The following APBA3 variants were observed in gnomAD, a reference collection of about 807,000 sequenced individuals.
APBA3 encodes amyloid beta precursor protein binding family A member 3, also known as amyloid-beta A4 precursor protein-binding family A member 3.
APBA3 carries 45 observed loss-of-function variants against 55.9 expected under a neutral mutation model. The ratio of observed to expected loss-of-function variants is 0.80; its 90% confidence interval spans 0.63 to 1.03. The LOEUF (loss-of-function observed/expected upper bound fraction) is 1.03. Among genes scored for constraint, APBA3 ranks in the 50% least tolerant of loss-of-function variants. The probability of loss-of-function intolerance (pLI) is 0.00; values close to 1 mark genes in which losing one functional copy is unlikely to be tolerated. For missense variants in APBA3, 865 were observed against 820.3 expected (o/e 1.05, Z -0.67); for synonymous variants, 370 against 353.3 (o/e 1.05, Z -0.53).
chr19:3,753,153 C>T lies in APBA3; in HGVS notation c.1012-163G>A, dbSNP rs80348253. On this transcript the variant is annotated intron_variant, in intron 6 of 10. Coordinates refer to ENST00000316757, the MANE Select transcript of APBA3 (RefSeq NM_004886.4). ...GCTTTGGGGGAGGTGGAGAGACAGC[C>T]GCATCTTGGGGAATCTACGGGGAGA... The T allele has an allele frequency of 9.8e-3, 7,488 of 767,338 alleles. 441 individuals are homozygous for T. The African/African-American group carries it at 0.12, about 12-fold the overall frequency. The allele number at this position is 767,338 out of a possible 1,614,324, so 47.5% of individuals were successfully genotyped here. A position where few individuals can be genotyped will look rare whatever the true frequency, so the allele number is the denominator to read the frequency against.
At position 3,754,187 on chromosome 19, in the gene APBA3, C is replaced by T; in HGVS notation, c.762+8G>A. On this transcript the variant is annotated splice_region_variant and intron_variant, in intron 4 of 10. Coordinates refer to ENST00000316757, the MANE Select transcript of APBA3 (RefSeq NM_004886.4). ...CGCCTGCCCGCCCGGCCCCGGCCGC[C>T]CCCTCACCTTGACGCGGTCCATGGC... 1 of 1,542,026 alleles carries T rather than the reference C, an allele frequency of 6.5e-7. No individual in the cohort carries two copies. The highest frequency in any genetic ancestry group is 8.8e-7 in the Non-Finnish European group (1 of 1,142,524).
At chr19:3,757,821 G>A (rs1439179740) in intron 3 of APBA3, among the ~76,000 whole-genome samples, 3 of 152,196 alleles carry the variant, frequency 2.0e-5, no homozygotes, top group Non-Finnish European at 2.9e-5. Flanking sequence ...TAGGTCACAA[G>A]GTATCTGCTG....
chr19:3,751,094 G>A lies in APBA3; in HGVS notation c.1660C>T (p.His554Tyr), dbSNP rs2036991750. ...ELLTEAYGEV[H>Y]IKTMPAATYR... ...GTGGCAGCTGGCATCGTCTTGATAT[G>A]CACCTGGGGAGTGGAGGCGGAACGG... Residue 554 changes from histidine (H) to tyrosine (Y), a missense_variant, in exon 11 of 11, where the codon CAT (histidine) becomes TAT (tyrosine). Transcript: ENST00000316757. 1.3e-6 allele frequency: 2 copies of A among 1,567,590 alleles called. No individual in the cohort carries two copies. The highest frequency in any genetic ancestry group is 1.4e-5 in the African/African-American group (1 of 73,960).
Position 3,754,560 on chromosome 19 carries a change from G to A in APBA3, c.617-220C>T, listed in dbSNP as rs1409659583. On this transcript the variant is annotated intron_variant, in intron 3 of 10. Coordinates refer to ENST00000316757, the MANE Select transcript of APBA3 (RefSeq NM_004886.4). ...CCATCCCTCAAGGACTCGCAGGTGG[G>A]AAACCAGTGAGTCCAGGCCATGGCT... 36 of 559,854 alleles carry A rather than the reference G, an allele frequency of 6.4e-5. 1 individual carries two copies. In the South Asian group the frequency reaches 9.3e-4, roughly 14 times the overall value. The allele number at this position is 559,854 out of a possible 1,614,324, so 34.7% of individuals were successfully genotyped here.
At chr19:3,760,796 C>T (rs921516845) in intron 1 of APBA3, among the ~76,000 whole-genome samples, 1 of 151,116 alleles carries the variant, frequency 6.6e-6, no homozygotes, top group Non-Finnish European at 1.5e-5. Flanking sequence ...GCTGTAGTCC[C>T]AGCTACTTGG....
At chr19:3,758,296 T>C (rs2037102995) in intron 3 of APBA3, among the ~76,000 whole-genome samples, 1 of 152,024 alleles carries the variant, frequency 6.6e-6, no homozygotes, top group African/African-American at 2.4e-5. Flanking sequence ...CTCTGTTGCC[T>C]AGGCTGTAGT....
At chr19:3,751,368 CTGCTCAGGGGCCG>C (rs2036999393) in intron 9 of APBA3, 39 bp from the exon 10 acceptor site, 19 of 1,516,568 alleles carry the variant, frequency 1.3e-5, no homozygotes, top group African/African-American at 4.1e-5. Flanking sequence ...GAGGTGGGGG[CTGCTCAGGGGCCG>C]TGCTCAGGGC....
intron 1 of APBA3, among the ~76,000 whole-genome samples, chr19:3,761,285 C>G (rs1446440749): frequency 1.3e-5 from 2 of 152,142 alleles, no homozygotes; most frequent in Non-Finnish European, 2.9e-5. Context: ...ACCCAAGACC[C>G]CAGTCCCATG....
chr19:3,758,886 G>T (rs1018585595), intron 3 of APBA3, among the ~76,000 whole-genome samples: 1 of 150,994 alleles, frequency 6.6e-6, no homozygotes, highest in Admixed American at 6.6e-5. Context: ...AAGAAAGAAA[G>T]AAATAGTATT....
Position 3,754,338 on chromosome 19 carries a change from G to GT in APBA3, c.618_619insA (p.Pro207ThrfsTer5). ...AGGTCTTCATGGTCACAGGGACCAG[G>GT]CACTGAGGGCGACAGCGAAGAGGGT... On this transcript the variant is annotated frameshift_variant and splice_region_variant, in exon 4 of 11. Transcript: ENST00000316757. LOFTEE classifies it high-confidence loss of function. The GT allele has an allele frequency of 6.4e-7, 1 of 1,557,744 alleles. No individual in the cohort carries two copies. Among genetic ancestry groups the GT allele is most frequent in the South Asian group, 1.2e-5 (1 of 84,094 alleles).
rs199883480 is a variant in APBA3 at position 3,760,132 on chromosome 19, C to T, written c.133G>A (p.Gly45Ser). 1.1e-4 allele frequency: 177 copies of T among 1,613,430 alleles called. No individual in the cohort carries two copies. The highest frequency in any genetic ancestry group is 1.8e-4 in the South Asian group (16 of 91,080). Residue 45 changes from glycine (G) to serine (S), a missense_variant, in exon 2 of 11, where the codon GGC (glycine) becomes AGC (serine). Transcript: ENST00000316757. ...TCAAGTTCCATCCGACTGAGGCTGC[C>T]GGGGCCTCCTGGCATAGGGTCCCAC... is the stretch of plus-strand genomic sequence containing the variant. ...SQWDPMPGGP[G>S]SLSRMELDES...
At chr19:3,753,715 T>C (rs746504348) in intron 6 of APBA3, 50 bp downstream of exon 6, 13 of 1,440,536 alleles carry the variant, frequency 9.0e-6, no homozygotes, top group Non-Finnish European at 1.1e-5. Context: ...GAGGCGACAG[T>C]TGCAGTGAGG....
intron 8 of APBA3, 91 bp downstream of exon 8, chr19:3,752,417 G>T: frequency 1.6e-6 from 2 of 1,234,002 alleles, no homozygotes; most frequent in South Asian, 1.4e-5. Context: ...CTCCTGGCTG[G>T]GCTGGAGAGA....
At position 3,754,338 on chromosome 19, in the gene APBA3, G is replaced by T; in HGVS notation, c.619C>A (p.Pro207Thr). ...LASYPAPQEVPGPCDHEDLLD... is the reference protein window; with the variant it reads ...LASYPAPQEVTGPCDHEDLLD... Reference sequence around the variant, plus strand: ...AGGTCTTCATGGTCACAGGGACCAGGCACTGAGGGCGACAGCGAAGAGGGT... The same window carrying T: ...AGGTCTTCATGGTCACAGGGACCAGTCACTGAGGGCGACAGCGAAGAGGGT... Residue 207 changes from proline (P) to threonine (T), a missense_variant and splice_region_variant, in exon 4 of 11, where the codon CCT becomes ACT. Coordinates refer to ENST00000316757, the MANE Select transcript of APBA3 (RefSeq NM_004886.4). 6.4e-7 allele frequency: 1 copy of T among 1,557,744 alleles called. No homozygotes were observed. The highest frequency in any genetic ancestry group is 8.7e-7 in the Non-Finnish European group (1 of 1,153,732).
In APBA3 at chr19:3,760,279, C is replaced by T; in HGVS notation, c.-15G>A. On this transcript the variant is annotated 5_prime_UTR_variant, in exon 2 of 11. Transcript: ENST00000316757. ...GGGAAGTCCATGCCTGGACTCCAGG[C>T]TTAGGCCGGCATCTTCAGGCAGCTG... 1 of 1,576,292 alleles carries T rather than the reference C, an allele frequency of 6.3e-7. No homozygotes were observed. The highest frequency in any genetic ancestry group is 8.5e-7 in the Non-Finnish European group (1 of 1,170,772).
Position 3,760,146 on chromosome 19 carries a change from A to G in APBA3, c.119T>C (p.Met40Thr). The G allele has an allele frequency of 6.2e-7, 1 of 1,613,438 alleles. No homozygotes were observed. The highest frequency in any genetic ancestry group is 1.1e-5 in the South Asian group (1 of 91,088). ...ACTGAGGCTGCCGGGGCCTCCTGGC[A>G]TAGGGTCCCACTGGCTGTCAGGGGT... ...DLTPDSQWDP[M>T]PGGPGSLSRM... Residue 40 changes from methionine (M) to threonine (T), a missense_variant, in exon 2 of 11, where the codon ATG (methionine) becomes ACG (threonine). Coordinates refer to ENST00000316757, the MANE Select transcript of APBA3 (RefSeq NM_004886.4).
rs2037010834 is a variant in APBA3, at chr19:3,751,890, TC to T, written c.1396-338del. The stretch of plus-strand genomic sequence containing the variant: ...CCCTCCCTATCTCTGGGCCTCAGTT[TC>T]CCCATCTGAGCAACAAAGGTTGAGA... On this transcript the variant is annotated intron_variant, in intron 8 of 10. Transcript: ENST00000316757. The T allele has an allele frequency of 2.3e-5, 7 of 310,186 alleles. No individual in the cohort carries two copies. In the South Asian group the frequency reaches 2.6e-4, roughly 11 times the overall value. 19.2% of individuals were successfully genotyped at this position (310,186 alleles called of 1,614,324 possible).
chr19:3,753,334 G>A (rs1480317418), intron 6 of APBA3: 17 of 417,138 alleles, frequency 4.1e-5, no homozygotes, highest in Non-Finnish European at 6.5e-5. Flanking sequence ...TCGGGGAGTC[G>A]GCCGAGAGTC....
intron 8 of APBA3, among the ~76,000 whole-genome samples, chr19:3,752,069 C>G (rs150323488): frequency 1.6e-4 from 25 of 152,256 alleles, no homozygotes; most frequent in Non-Finnish European, 2.9e-4. Context: ...AAACAATAAA[C>G]TGGGCGTGGT....
Sources: gnomAD v4.1 joint callset for allele counts (sites outside exome capture counted in the v4.1 genomes callset) on GRCh38, gnomAD v4.1.1 for gene constraint, MANE v1.5 for transcripts, NCBI Gene and HGNC (gene_info 2026-07-23, HGNC 2026-07-21) for gene names.